Variants in VTI1B observed in about 807,000 individuals in gnomAD.
The protein encoded by VTI1B is vesicle transport through interaction with t-SNAREs homolog 1B.
VTI1B carries 18 observed loss-of-function variants against 28.6 expected under a neutral mutation model. The ratio of observed to expected loss-of-function variants is 0.63; its 90% CI spans 0.43 to 0.93. The LOEUF (loss-of-function observed/expected upper bound fraction) is 0.93. Ranked by LOEUF, VTI1B falls within the 40% of genes least tolerant of loss-of-function variation. The pLI is 0.00. For synonymous variants in VTI1B, 100 were observed against 107.9 expected (o/e 0.93, Z 0.46); for missense variants, 283 against 297.0 (o/e 0.95, Z 0.35).
intron 1 of VTI1B, among the ~76,000 whole-genome samples, chr14:67,674,012 C>T (rs901337412): frequency 1.3e-5 from 2 of 152,216 alleles, no homozygotes; most frequent in Non-Finnish European, 2.9e-5. Flanking sequence ...CTGGTGAAAA[C>T]TAGACCTGTC....
At position 67,653,313 on chromosome 14, in the gene VTI1B, G is replaced by A. The variant is rs2037211549; in HGVS notation, c.602+124C>T. ...ATTCTGGTCTGCTGGGTGGTACTGA[G>A]TATACAGGGACTATGCGTCAACTGC... is the stretch of plus-strand genomic sequence containing the variant. On this transcript the variant is annotated intron_variant, in intron 5 of 5. Transcript: ENST00000554659. The A allele has an allele frequency of 4.2e-6, 3 of 712,084 alleles. No individual in the cohort carries two copies. The South Asian group carries it at 5.1e-5, about 12-fold the overall frequency. The allele number at this position is 712,084 out of a possible 1,614,324, so 44.1% of individuals were successfully genotyped here.
Position 67,674,606 on chromosome 14 carries a change from C to A in VTI1B, c.-117G>T. ...AACGGCGACCGCCGCACCACCGCCG[C>A]CCAGGACGAGGCTCTTCCGGAGCCG... On this transcript the variant is annotated 5_prime_UTR_variant, in exon 1 of 6. Transcript: ENST00000554659. The A allele has an allele frequency of 1.3e-6, 1 of 779,744 alleles. No homozygotes were observed. Among genetic ancestry groups the A allele is most frequent in the Non-Finnish European group, 1.9e-6 (1 of 534,822 alleles). The allele number at this position is 779,744 out of a possible 1,614,324, so 48.3% of individuals were successfully genotyped here.
At chr14:67,657,597 T>TGC (rs1246583748) in intron 3 of VTI1B, among the ~76,000 whole-genome samples, 38 of 119,444 alleles carry the variant, frequency 3.2e-4, no homozygotes, top group African/African-American at 1.1e-3. Flanking sequence ...CGCGCGCGCG[T>TGC]GCACACACAC....
intron 1 of VTI1B, among the ~76,000 whole-genome samples, chr14:67,667,481 C>T (rs2037415176): frequency 6.6e-6 from 1 of 152,132 alleles, no homozygotes; most frequent in African/African-American, 2.4e-5. Flanking sequence ...GACTATAAGA[C>T]TACTGACCTT....
intron 2 of VTI1B, among the ~76,000 whole-genome samples, chr14:67,660,404 C>A (rs2037320790): frequency 6.6e-6 from 1 of 151,890 alleles, no homozygotes; most frequent in Non-Finnish European, 1.5e-5. Context: ...GACCTCATCT[C>A]TATATATATA....
chr14:67,672,300 G>C (rs2037474073), intron 1 of VTI1B, among the ~76,000 whole-genome samples: 1 of 151,486 alleles, frequency 6.6e-6, no homozygotes, highest in Non-Finnish European at 1.5e-5. Context: ...TTTATTTTTT[G>C]TAGAGATGAG....
chr14:67,650,928 T>C lies in VTI1B; in HGVS notation c.*457A>G, dbSNP rs945269964. ...GCACGTGTGAGAATTTAGGAGACACTGTGCACTGACATGTTTCACAACAGG... is the reference window on the plus strand; with the variant it reads ...GCACGTGTGAGAATTTAGGAGACACCGTGCACTGACATGTTTCACAACAGG... On this transcript the variant is annotated 3_prime_UTR_variant, in exon 6 of 6. Transcript: ENST00000554659. 5 of 1,612,788 alleles carry C rather than the reference T, an allele frequency of 3.1e-6. No homozygotes were observed. The highest frequency in any genetic ancestry group is 3.4e-6 in the Non-Finnish European group (4 of 1,179,246).
At chr14:67,662,010 G>T (rs2037341850) in intron 2 of VTI1B, among the ~76,000 whole-genome samples, 1 of 152,000 alleles carries the variant, frequency 6.6e-6, no homozygotes, top group Admixed American at 6.6e-5. Context: ...CAAAAAAACA[G>T]CCAGGTGTGG....
At chr14:67,659,499 T>C (rs1046274875) in intron 3 of VTI1B, among the ~76,000 whole-genome samples, 3 of 151,822 alleles carry the variant, frequency 2.0e-5, no homozygotes, top group African/African-American at 7.3e-5. Flanking sequence ...GACTGTATTA[T>C]ATTAAGGATA....
chr14:67,657,507 A>G (rs1475377028), intron 3 of VTI1B, among the ~76,000 whole-genome samples: 2 of 152,144 alleles, frequency 1.3e-5, no homozygotes, highest in Non-Finnish European at 2.9e-5. Context: ...AGCAGGAAGA[A>G]AAAAGTAGCC....
chr14:67,663,581 G>A (rs2037365629), intron 1 of VTI1B, among the ~76,000 whole-genome samples: 1 of 151,004 alleles, frequency 6.6e-6, no homozygotes, highest in Non-Finnish European at 1.5e-5. Flanking sequence ...GGCTGAGGCA[G>A]GAGAATGGTG....
intron 1 of VTI1B, among the ~76,000 whole-genome samples, chr14:67,671,156 C>T (rs2037460134): frequency 6.6e-6 from 1 of 152,110 alleles, no homozygotes; most frequent in Non-Finnish European, 1.5e-5. Context: ...AGTTGTTGGA[C>T]TTATTATAAT....
At chr14:67,662,088 G>A (rs1433246224) in intron 2 of VTI1B, among the ~76,000 whole-genome samples, 2 of 151,720 alleles carry the variant, frequency 1.3e-5, no homozygotes, top group Non-Finnish European at 2.9e-5. Context: ...CCCGGGAGGT[G>A]GAGCTTGCAG....
intron 1 of VTI1B, 70 bp from the exon 2 acceptor site, chr14:67,662,605 C>A: frequency 7.2e-7 from 1 of 1,397,910 alleles, no homozygotes; most frequent in African/African-American, 1.4e-5. Context: ...ATTCCCTCTG[C>A]TTCGAATAAG....
At chr14:67,673,888 C>T (rs1386593035) in intron 1 of VTI1B, among the ~76,000 whole-genome samples, 1 of 152,136 alleles carries the variant, frequency 6.6e-6, no homozygotes, top group Non-Finnish European at 1.5e-5. Context: ...ATGCCACAAT[C>T]AGGTTTTAAA....
chr14:67,663,016 A>G (rs992296573), intron 1 of VTI1B: 28 of 1,411,198 alleles, frequency 2.0e-5, no homozygotes, highest in Non-Finnish European at 2.4e-5. Flanking sequence ...TGCAAAATAA[A>G]AATTCCACCT....
chr14:67,667,965 CA>C (rs1372472625), intron 1 of VTI1B, among the ~76,000 whole-genome samples: 1 of 151,436 alleles, frequency 6.6e-6, no homozygotes, highest in Non-Finnish European at 1.5e-5. Context: ...AACAAACAAA[CA>C]AAAAAAATGA....
At position 67,653,463 on chromosome 14, in the gene VTI1B, C is replaced by T; in HGVS notation, c.576G>A (p.Arg192=). 6.2e-7 allele frequency: 1 copy of T among 1,614,032 alleles called. No homozygotes were observed. The highest frequency in any genetic ancestry group is 8.5e-7 in the Non-Finnish European group (1 of 1,179,974). The part of the protein sequence containing the change: ...VNTSENLSKS[R]KILRSMSRKV... ...TTCTGGACATTGAACGGAGAATCTT[C>T]CGACTTTTGCTCAAGTTTTCACTTG... Residue 192 remains arginine, a synonymous_variant, in exon 5 of 6, where the codon CGG becomes CGA. Coordinates refer to ENST00000554659, the MANE Select transcript of VTI1B (RefSeq NM_006370.3).
rs781253146 is a variant in VTI1B, at chr14:67,651,400, G to T, written c.684C>A (p.Phe228Leu). The T allele has an allele frequency of 6.2e-7, 1 of 1,613,950 alleles. No homozygotes were observed. The change falls in exon 6 of 6, where the codon TTC (phenylalanine) becomes TTA (leucine). Residue 228 changes from phenylalanine to leucine, a missense_variant. Coordinates refer to ENST00000554659, the MANE Select transcript of VTI1B (RefSeq NM_006370.3). ...CTATAGAAGTTCAATGGCTGCGAAA[G>T]AATTTGTAGTAAACCAGGCCTCCCA... is the stretch of plus-strand genomic sequence containing the variant. ...AILGGLVYYK[F>L]FRSH
Sources: allele counts gnomAD v4.1 joint callset (sites outside exome capture counted in the v4.1 genomes callset), GRCh38; gene constraint gnomAD v4.1.1; transcripts MANE v1.5; gene names NCBI Gene and HGNC (gene_info 2026-07-23, HGNC 2026-07-21).